Variants in GABRB3 observed in about 807,000 individuals in gnomAD.
GABRB3 encodes gamma-aminobutyric acid type A receptor subunit beta3.
GABRB3 carries 14 observed loss-of-function variants against 52.1 expected under a neutral mutation model. The observed-to-expected ratio is 0.27, with a 90% CI of 0.18 to 0.42. GABRB3 has a LOEUF of 0.42. Ranked by LOEUF, GABRB3 falls within the 10% of genes least tolerant of loss-of-function variation. The pLI is 1.00. For missense variants in GABRB3, 307 were observed against 609.1 expected, an observed-to-expected ratio of 0.50 and a Z score of 5.22; for synonymous variants, 260 against 232.3, an observed-to-expected ratio of 1.12 and a Z score of -1.08.
intron 3 of GABRB3, among the ~76,000 whole-genome samples, chr15:26,734,157 G>C (rs1890006227): frequency 6.6e-6 from 1 of 150,772 alleles, no homozygotes; most frequent in South Asian, 2.1e-4. Context: ...AGTATCTCGA[G>C]TAGCTGGGAT....
At chr15:26,751,974 A>C (rs1189937290) in intron 3 of GABRB3, among the ~76,000 whole-genome samples, 2 of 152,192 alleles carry the variant, frequency 1.3e-5, no homozygotes, top group Non-Finnish European at 2.9e-5. Flanking sequence ...CTGAGGTGGC[A>C]TGTCTGCCTC....
In GABRB3 at chr15:26,576,733, A is replaced by G. The variant is rs12591845; in HGVS notation, c.682+3586T>C. Reference sequence around the variant, plus strand: ...AAGCTAATTAGAACATCCAAGACTCAGGGGACTAAGGGGGCAGGCACTGGA... The same window carrying G: ...AAGCTAATTAGAACATCCAAGACTCGGGGGACTAAGGGGGCAGGCACTGGA... On this transcript the variant is annotated intron_variant, in intron 6 of 8. Coordinates refer to ENST00000311550, the MANE Select transcript of GABRB3 (RefSeq NM_000814.6). Among the ~76,000 whole-genome samples the G allele has an allele frequency of 2.4e-3, 367 of 152,300 alleles. 3 individuals are homozygous for G. In the East Asian group the frequency reaches 0.048, roughly 20 times the overall value.
intron 3 of GABRB3, among the ~76,000 whole-genome samples, chr15:26,677,500 A>G (rs1030165519): frequency 2.0e-5 from 3 of 152,136 alleles, no homozygotes; most frequent in Admixed American, 1.3e-4. Context: ...CACCCGGGAG[A>G]CACCACATAT....
chr15:26,645,901 C>T (rs533772944), intron 3 of GABRB3, among the ~76,000 whole-genome samples: 10 of 151,770 alleles, frequency 6.6e-5, no homozygotes, highest in South Asian at 2.1e-4. Flanking sequence ...CTTTGTAGAC[C>T]GCCTGATGGA....
chr15:26,572,911 T>A (rs1890460640), intron 6 of GABRB3, among the ~76,000 whole-genome samples: 2 of 152,158 alleles, frequency 1.3e-5, no homozygotes, highest in Non-Finnish European at 2.9e-5. Flanking sequence ...ATCCCGGCCC[T>A]TTCTCCCCAG....
chr15:26,747,254 T>G (rs1890371823), intron 3 of GABRB3, among the ~76,000 whole-genome samples: 1 of 152,184 alleles, frequency 6.6e-6, no homozygotes, highest in South Asian at 2.1e-4. Flanking sequence ...TGTTTGTCTG[T>G]GTGTACAAAA....
intron 3 of GABRB3, among the ~76,000 whole-genome samples, chr15:26,652,215 G>C (rs1342893278): frequency 2.0e-5 from 3 of 152,154 alleles, no homozygotes; most frequent in African/African-American, 7.2e-5. Context: ...CCTATGACTT[G>C]CAAGCCCCAT....
chr15:26,763,230 T>C (rs1327256683), intron 3 of GABRB3, among the ~76,000 whole-genome samples: 1 of 152,184 alleles, frequency 6.6e-6, no homozygotes, highest in Admixed American at 6.5e-5. Flanking sequence ...GTCTGGGTCA[T>C]AGGGATGGCA....
intron 4 of GABRB3, chr15:26,614,806 T>C (rs1208510670): frequency 4.6e-5 from 7 of 152,220 alleles, no homozygotes; most frequent in South Asian, 2.1e-4. Flanking sequence ...TCTTTAAGTA[T>C]AGAAATGGCA....
At chr15:26,637,429 C>G (rs1307228491) in intron 3 of GABRB3, among the ~76,000 whole-genome samples, 5 of 152,074 alleles carry the variant, frequency 3.3e-5, no homozygotes, top group Admixed American at 1.3e-4. Flanking sequence ...TTTCCCCCTG[C>G]TAGAACATCA....
At chr15:26,730,589 G>A (rs549139293) in intron 3 of GABRB3, among the ~76,000 whole-genome samples, 1 of 152,196 alleles carries the variant, frequency 6.6e-6, no homozygotes, top group Non-Finnish European at 1.5e-5. Flanking sequence ...TGAATGGCCA[G>A]GGTGGGGCTG....
chr15:26,643,621 ACT>A (rs1893271421), intron 3 of GABRB3, among the ~76,000 whole-genome samples: 1 of 110,674 alleles, frequency 9.0e-6, no homozygotes, highest in Non-Finnish European at 1.8e-5. Context: ...CTTTCATGAC[ACT>A]GTGTGTGTGT....
At chr15:26,592,635 G>T (rs1247863356) in intron 4 of GABRB3, among the ~76,000 whole-genome samples, 3 of 152,160 alleles carry the variant, frequency 2.0e-5, no homozygotes, top group Non-Finnish European at 4.4e-5. Flanking sequence ...ATGCCAAATT[G>T]AAATCTGTAC....
chr15:26,674,400 C>CAAAAAAAAAA (rs55723767), intron 3 of GABRB3, among the ~76,000 whole-genome samples: 74 of 86,704 alleles, frequency 8.5e-4, no homozygotes, highest in African/African-American at 1.3e-3. Context: ...GACTCAGTTT[C>CAAAAAAAAAA]AAAAAAAAAA....
chr15:26,610,584 C>T (rs1892031546), intron 4 of GABRB3, among the ~76,000 whole-genome samples: 1 of 152,086 alleles, frequency 6.6e-6, no homozygotes, highest in Non-Finnish European at 1.5e-5. Flanking sequence ...AGTTTGGGCT[C>T]TCTATGGACC....
At chr15:26,617,456 A>ATTTGC (rs1892300291) in intron 4 of GABRB3, among the ~76,000 whole-genome samples, 1 of 152,210 alleles carries the variant, frequency 6.6e-6, no homozygotes, top group Non-Finnish European at 1.5e-5. Flanking sequence ...CTTTGACAAA[A>ATTTGC]TTCAACAATG....
intron 3 of GABRB3, among the ~76,000 whole-genome samples, chr15:26,755,742 A>G (rs559090917): frequency 2.0e-5 from 3 of 152,222 alleles, no homozygotes; most frequent in Non-Finnish European, 4.4e-5. Context: ...TTACATGGAT[A>G]AAAAACCTGA....
In GABRB3 at chr15:26,702,608, A is replaced by G. The variant is rs148293000; in HGVS notation, c.240+69794T>C. On this transcript the variant is annotated intron_variant, in intron 3 of 8. Transcript: ENST00000311550. ...CTGAAACACTCACCCACTGCTGATG[A>G]GAACATAAAATGATACTATCACAGT... is the stretch of plus-strand genomic sequence containing the variant. 2.8e-3 allele frequency among the ~76,000 whole-genome samples: 431 copies of G among 152,350 alleles called. 2 individuals are homozygous for G. Among genetic ancestry groups the G allele is most frequent in the African/African-American group, 9.3e-3 (385 of 41,592 alleles).
chr15:26,675,052 T>C (rs561859974), intron 3 of GABRB3, among the ~76,000 whole-genome samples: 2 of 152,316 alleles, frequency 1.3e-5, no homozygotes, highest in East Asian at 3.9e-4. Context: ...GGCCTTCCTA[T>C]GAAATAATTA....
Sources: gnomAD v4.1 joint callset for allele counts (sites outside exome capture counted in the v4.1 genomes callset) on GRCh38, gnomAD v4.1.1 for gene constraint, MANE v1.5 for transcripts, NCBI Gene and HGNC (gene_info 2026-07-23, HGNC 2026-07-21) for gene names.